LRRC58: variants seen among roughly 807,000 people sequenced by gnomAD.
LRRC58 encodes the protein leucine rich repeat containing 58.
Under a neutral mutation model 30.6 loss-of-function variants are expected in LRRC58, and 18 were observed. That is an observed-to-expected ratio of 0.59 (90% confidence interval 0.41 to 0.87). The LOEUF (loss-of-function observed/expected upper bound fraction) is 0.87, where lower values mean the gene tolerates loss of function less well. Ranked by LOEUF, LRRC58 falls within the 40% of genes least tolerant of loss-of-function variation. LRRC58 has a pLI of 0.00. For synonymous variants in LRRC58, 221 were observed against 206.0 expected, an observed-to-expected ratio of 1.07 and a Z score of -0.62; for missense variants, 420 against 468.4, an observed-to-expected ratio of 0.90 and a Z score of 0.95.
chr3:120,333,138 C>A (rs936296760), intron 3 of LRRC58, among the ~76,000 whole-genome samples: 7 of 151,880 alleles, frequency 4.6e-5, no homozygotes, highest in African/African-American at 1.7e-4. Context: ...CTGCCTCAGC[C>A]TCCCAAAGTG....
In LRRC58 at chr3:120,349,334, A is replaced by G; in HGVS notation, c.-91T>C. 7.9e-7 allele frequency: 1 copy of G among 1,260,348 alleles called. No homozygotes were observed. The allele number at this position is 1,260,348 out of a possible 1,614,324, so 78.1% of individuals were successfully genotyped here. A position where few individuals can be genotyped will look rare whatever the true frequency, so the allele number is the denominator to read the frequency against. On this transcript the variant is annotated 5_prime_UTR_variant, in exon 1 of 4. Coordinates refer to ENST00000295628, the MANE Select transcript of LRRC58 (RefSeq NM_001099678.2). ...AGCTCTGCGGCGCCCCGGAACCTGAACCGAGGGCTGAGTCGGAAGTGGCGC... is the reference window on the plus strand; with the variant it reads ...AGCTCTGCGGCGCCCCGGAACCTGAGCCGAGGGCTGAGTCGGAAGTGGCGC...
chr3:120,331,374 T>C lies in LRRC58; in HGVS notation c.942A>G (p.Lys314=), dbSNP rs368394965. 6 of 1,613,862 alleles carry C rather than the reference T, an allele frequency of 3.7e-6. No individual in the cohort carries two copies. Among genetic ancestry groups the C allele is most frequent in the Non-Finnish European group, 4.2e-6 (5 of 1,179,826 alleles). ...VYFDCCVRQI[K]FVDFCGKYRL... is the part of the protein sequence containing the mutation. The stretch of plus-strand genomic sequence containing the variant: ...GATACTTCCCACAGAAGTCCACAAA[T>C]TTAATTTGTCTGACACAGCAGTCAA... Residue 314 remains lysine, a synonymous_variant, in exon 4 of 4, where the codon AAA becomes AAG. Coordinates refer to ENST00000295628, the MANE Select transcript of LRRC58 (RefSeq NM_001099678.2).
rs1365557174 is a variant in LRRC58, at chr3:120,326,474, T to C, written c.*4726A>G. On this transcript the variant is annotated 3_prime_UTR_variant, in exon 4 of 4. Coordinates refer to ENST00000295628, the MANE Select transcript of LRRC58 (RefSeq NM_001099678.2). ...GTGAGCCACCATGCCTGGCCCAAAA[T>C]TGTACACTATTAAATTCATTAATGT... 2.0e-5 allele frequency: 3 copies of C among 152,334 alleles called. No individual in the cohort carries two copies. Among genetic ancestry groups the C allele is most frequent in the Admixed American group, 6.5e-5 (1 of 15,302 alleles). The allele number at this position is 152,334 out of a possible 1,614,324, so 9.4% of individuals were successfully genotyped here.
intron 1 of LRRC58, among the ~76,000 whole-genome samples, chr3:120,341,535 T>C (rs1016285752): frequency 1.3e-5 from 2 of 152,188 alleles, no homozygotes; most frequent in Admixed American, 6.5e-5. Flanking sequence ...AAAATTCATG[T>C]TGAAACCCTA....
At chr3:120,347,376 A>ATTTTTTTTTTTTTTTT (rs1208688984) in intron 1 of LRRC58, among the ~76,000 whole-genome samples, 13 of 51,072 alleles carry the variant, frequency 2.5e-4, no homozygotes, top group South Asian at 7.7e-4. Flanking sequence ...CCAGGCCAAT[A>ATTTTTTTTTTTTTTTT]TTCTTTTTTT....
rs1010583368 is a variant in LRRC58, at chr3:120,328,797, T to G, written c.*2403A>C. 1 of 152,170 alleles carries G rather than the reference T, an allele frequency of 6.6e-6. No individual in the cohort carries two copies. Among genetic ancestry groups the G allele is most frequent in the Non-Finnish European group, 1.5e-5 (1 of 68,022 alleles). 9.4% of individuals were successfully genotyped at this position (152,170 alleles called of 1,614,324 possible). A position where few individuals can be genotyped will look rare whatever the true frequency, so the allele number is the denominator to read the frequency against. On this transcript the variant is annotated 3_prime_UTR_variant, in exon 4 of 4. Coordinates refer to ENST00000295628, the MANE Select transcript of LRRC58 (RefSeq NM_001099678.2). ...CTCTTACAAAAGTTTAGGTCAAAGATTTAAGAAAGATAAAACCGACGGCTA... is the reference window on the plus strand; with the variant it reads ...CTCTTACAAAAGTTTAGGTCAAAGAGTTAAGAAAGATAAAACCGACGGCTA...
chr3:120,334,398 C>T (rs1292837292), intron 3 of LRRC58, among the ~76,000 whole-genome samples: 1 of 152,028 alleles, frequency 6.6e-6, no homozygotes, highest in Non-Finnish European at 1.5e-5. Context: ...GTCCCAGCTA[C>T]TCGGGAGGCT....
intron 1 of LRRC58, among the ~76,000 whole-genome samples, chr3:120,336,934 C>A (rs1935843687): frequency 6.6e-6 from 1 of 150,890 alleles, no homozygotes; most frequent in Admixed American, 6.6e-5. Flanking sequence ...TCTCCCAATA[C>A]TGTATTACTT....
intron 1 of LRRC58, among the ~76,000 whole-genome samples, chr3:120,337,319 A>T (rs913725147): frequency 2.6e-5 from 4 of 152,346 alleles, no homozygotes; most frequent in East Asian, 1.9e-4. Context: ...TTGATGGTAT[A>T]AAAAATGGTA....
intron 1 of LRRC58, among the ~76,000 whole-genome samples, chr3:120,337,931 C>A (rs1416349307): frequency 1.3e-5 from 2 of 152,024 alleles, no homozygotes; most frequent in Non-Finnish European, 2.9e-5. Flanking sequence ...CTCTGCCTCA[C>A]GAGTTAGGTC....
intron 1 of LRRC58, among the ~76,000 whole-genome samples, chr3:120,339,497 C>T (rs1259104798): frequency 1.3e-5 from 2 of 152,126 alleles, no homozygotes; most frequent in East Asian, 3.8e-4. Flanking sequence ...GGTTGTTAAT[C>T]TTTGAGTCCT....
At chr3:120,343,991 A>G (rs542681046) in intron 1 of LRRC58, among the ~76,000 whole-genome samples, 77 of 152,296 alleles carry the variant, frequency 5.1e-4, no homozygotes, top group African/African-American at 1.8e-3. Context: ...GTGAGGTGAG[A>G]TCGTGCCGCT....
In LRRC58 at chr3:120,334,934, GA is replaced by G; in HGVS notation, c.834del (p.Tyr280MetfsTer47). ...AGAAGATTTCCAGGAAGATCATAGG[GA>G]GTGTAGGAAATATTTCGAATCTTAA... is the stretch of plus-strand genomic sequence containing the variant. ...RTIKIRNISY[T>X]PYDLPGNLLR... On this transcript the variant is annotated frameshift_variant, in exon 3 of 4. Transcript: ENST00000295628. LOFTEE classifies it high-confidence loss of function. 6.2e-7 allele frequency: 1 copy of G among 1,613,804 alleles called. No individual in the cohort carries two copies. The highest frequency in any genetic ancestry group is 1.3e-5 in the African/African-American group (1 of 75,050).
intron 3 of LRRC58, among the ~76,000 whole-genome samples, 158 bp from the exon 4 acceptor site, chr3:120,331,566 A>C (rs1458454643): frequency 6.6e-6 from 1 of 152,206 alleles, no homozygotes; most frequent in Non-Finnish European, 1.5e-5. Context: ...CTATAAGCCT[A>C]CTGGAAGGTC....
intron 3 of LRRC58, 129 bp from the exon 4 acceptor site, chr3:120,331,537 T>G: frequency 4.1e-6 from 3 of 724,500 alleles, no homozygotes; most frequent in Non-Finnish European, 4.8e-6. Context: ...GCAGAAGTAG[T>G]ACTTGCTTGT....
Position 120,324,997 on chromosome 3 carries a change from C to T in LRRC58, c.*6203G>A, listed in dbSNP as rs560214169. The T allele has an allele frequency of 3.9e-5, 6 of 152,266 alleles. No individual in the cohort carries two copies. Among genetic ancestry groups the T allele is most frequent in the African/African-American group, 1.4e-4 (6 of 41,550 alleles). The allele number at this position is 152,266 out of a possible 1,614,324, so 9.4% of individuals were successfully genotyped here. A position where few individuals can be genotyped will look rare whatever the true frequency, so the allele number is the denominator to read the frequency against. On this transcript the variant is annotated 3_prime_UTR_variant, in exon 4 of 4. Coordinates refer to ENST00000295628, the MANE Select transcript of LRRC58 (RefSeq NM_001099678.2). ...ATGTTTTCAGTACCCTTCGTTAATA[C>T]TTTGACATCCCAAACTTTACAAAAA...
At chr3:120,339,237 C>G (rs183397192) in intron 1 of LRRC58, among the ~76,000 whole-genome samples, 40 of 152,064 alleles carry the variant, frequency 2.6e-4, no homozygotes, top group African/African-American at 8.5e-4. Context: ...GGAGTTACCC[C>G]CTTCAATTTT....
chr3:120,336,509 T>A (rs1481765847), intron 1 of LRRC58, among the ~76,000 whole-genome samples: 1 of 152,204 alleles, frequency 6.6e-6, no homozygotes, highest in Non-Finnish European at 1.5e-5. Context: ...TATGCTAGTA[T>A]GCTTGGATTT....
chr3:120,336,880 T>TATAA (rs72317043), intron 1 of LRRC58, among the ~76,000 whole-genome samples: 1 of 148,582 alleles, frequency 6.7e-6, no homozygotes, highest in South Asian at 2.1e-4. Context: ...TATATTATAC[T>TATAA]ATAAATAAAT....
Sources: allele counts gnomAD v4.1 joint callset (sites outside exome capture counted in the v4.1 genomes callset), GRCh38; gene constraint gnomAD v4.1.1; transcripts MANE v1.5; gene names NCBI Gene and HGNC (gene_info 2026-07-23, HGNC 2026-07-21).